RAB5B: variants seen among roughly 807,000 people sequenced by gnomAD.
RAB5B encodes ras-related protein Rab-5B.
In RAB5B, 11 loss-of-function variants were observed where a neutral mutation model predicts 28.6. The ratio of observed to expected loss-of-function variants is 0.38; its 90% CI spans 0.24 to 0.64. The LOEUF is 0.64. RAB5B is among the 30% of genes least tolerant of loss of function. The pLI is 0.53. For missense variants in RAB5B, 169 were observed against 265.6 expected (o/e 0.64, Z 2.53); for synonymous variants, 93 against 97.9 (o/e 0.95, Z 0.29).
intron 1 of RAB5B, among the ~76,000 whole-genome samples, chr12:55,983,723 A>C (rs138268448): frequency 7.6e-5 from 11 of 144,218 alleles, no homozygotes; most frequent in African/African-American, 2.9e-4. Context: ...GCAGTGGTGT[A>C]ATCAGCTCAC....
At chr12:55,990,861 T>G in intron 4 of RAB5B, 57 bp downstream of exon 4, 1 of 1,592,974 alleles carries the variant, frequency 6.3e-7, no homozygotes, top group Non-Finnish European at 8.6e-7. Context: ...GGACCTCTTT[T>G]TTTCCAAACC....
At chr12:55,978,174 G>A (rs77000864) in intron 1 of RAB5B, among the ~76,000 whole-genome samples, 98 of 152,310 alleles carry the variant, frequency 6.4e-4, no homozygotes, top group Admixed American at 2.0e-3. Context: ...GAGGAGCCAG[G>A]GAGAGAATTG....
rs957654094 is a variant in RAB5B at position 55,980,420 on chromosome 12, C to T, written c.-93+6281C>T. 1.0e-5 allele frequency: 16 copies of T among 1,572,690 alleles called. No homozygotes were observed. The South Asian group carries it at 1.2e-4, about 12-fold the overall frequency. On this transcript the variant is annotated intron_variant, in intron 1 of 5. Transcript: ENST00000360299. ...CCGGGGTGGGGAGGCAAGAAAGGGT[C>T]CTCAGCTCAGGGAGCACTTGTTGGT...
At chr12:55,976,368 A>T (rs1017511305) in intron 1 of RAB5B, among the ~76,000 whole-genome samples, 3 of 152,126 alleles carry the variant, frequency 2.0e-5, no homozygotes, top group African/African-American at 7.2e-5. Flanking sequence ...CGACAAGCAG[A>T]GGGCTGTACT....
intron 1 of RAB5B, among the ~76,000 whole-genome samples, chr12:55,976,414 C>T (rs1462882390): frequency 6.6e-6 from 1 of 152,194 alleles, no homozygotes; most frequent in East Asian, 1.9e-4. Flanking sequence ...CAAACACACA[C>T]ACCCCAAGTT....
intron 1 of RAB5B, among the ~76,000 whole-genome samples, chr12:55,975,019 C>T (rs1889606515): frequency 6.6e-6 from 1 of 152,118 alleles, no homozygotes; most frequent in Non-Finnish European, 1.5e-5. Context: ...TGTTTCTTAA[C>T]TTACTGTTTC....
intron 2 of RAB5B, among the ~76,000 whole-genome samples, chr12:55,989,676 A>AT (rs1890051587): frequency 6.6e-6 from 1 of 152,216 alleles, no homozygotes; most frequent in African/African-American, 2.4e-5. Flanking sequence ...GATGACTCGT[A>AT]TAAGTGCCAG....
At chr12:55,984,294 G>A (rs184834934) in intron 1 of RAB5B, among the ~76,000 whole-genome samples, 2 of 151,670 alleles carry the variant, frequency 1.3e-5, no homozygotes, top group East Asian at 3.9e-4. Context: ...AGTTCAAGCA[G>A]TTCACCTGCC....
At position 55,990,695 on chromosome 12, in the gene RAB5B, G is replaced by T; in HGVS notation, c.329G>T (p.Arg110Leu). 6.2e-7 allele frequency: 1 copy of T among 1,613,772 alleles called. No individual in the cohort carries two copies. The highest frequency in any genetic ancestry group is 1.1e-5 in the South Asian group (1 of 91,052). ...YDITNQETFA[R>L]AKTWVKELQR... Reference sequence around the variant, plus strand: ...ATGTTTTCCTAGGAAACCTTTGCCCGAGCAAAGACATGGGTGAAGGAACTA... The same window carrying T: ...ATGTTTTCCTAGGAAACCTTTGCCCTAGCAAAGACATGGGTGAAGGAACTA... Residue 110 changes from arginine (R) to leucine (L), a missense_variant, in exon 4 of 6, where the codon CGA (arginine) becomes CTA (leucine). Physicochemically the swap from Arg to Leu is moderately radical, Grantham distance 102 (BLOSUM62 -2). This residue lies in a region of RAB5B where 123 missense variants were observed against 162.4 expected (regional missense o/e 0.76). Transcript: ENST00000360299.
chr12:55,987,161 T>G, intron 2 of RAB5B, 38 bp downstream of exon 2: 2 of 1,549,864 alleles, frequency 1.3e-6, no homozygotes, highest in Non-Finnish European at 8.7e-7. Flanking sequence ...GAATGTTTGG[T>G]AAGGGTTTTT....
intron 2 of RAB5B, 68 bp from the exon 3 acceptor site, chr12:55,989,879 G>A (rs879228742): frequency 2.0e-6 from 3 of 1,518,120 alleles, no homozygotes; most frequent in South Asian, 1.1e-5. Context: ...ACATTTTGAA[G>A]GGGGGGAGGG....
In RAB5B at chr12:55,996,003, A is replaced by ATATATATATATATTTTTTTTTTTTTTT; in HGVS notation, c.*3792_*3793insATATATATATATTTTTTTTTTTTTTTT. 8.2e-5 allele frequency: 8 copies of ATATATATATATATTTTTTTTTTTTTTT among 97,374 alleles called. No homozygotes were observed. Among genetic ancestry groups the ATATATATATATATTTTTTTTTTTTTTT allele is most frequent in the African/African-American group, 3.8e-4 (8 of 21,118 alleles). The allele number at this position is 97,374 out of a possible 1,614,324, so 6.0% of individuals were successfully genotyped here. A position where few individuals can be genotyped will look rare whatever the true frequency, so the allele number is the denominator to read the frequency against. On this transcript the variant is annotated 3_prime_UTR_variant, in exon 6 of 6. Coordinates refer to ENST00000360299, the MANE Select transcript of RAB5B (RefSeq NM_002868.4). ...TATATACATATATATATATATATATATTTTTTTTTTAACAACTGGTAGGAT... is the reference window on the plus strand; with the variant it reads ...TATATACATATATATATATATATATATATATATATATATTTTTTTTTTTTTTTTTTTTTTTTTAACAACTGGTAGGAT...
At position 55,996,046 on chromosome 12, in the gene RAB5B, T is replaced by C. The variant is rs1156432497; in HGVS notation, c.*3834T>C. ...GGTAGGATAGGTTGGGCATTAGCCTTCTTCAGTGATTTGATTGTATACAGA... is the reference window on the plus strand; with the variant it reads ...GGTAGGATAGGTTGGGCATTAGCCTCCTTCAGTGATTTGATTGTATACAGA... On this transcript the variant is annotated 3_prime_UTR_variant, in exon 6 of 6. Transcript: ENST00000360299. The C allele has an allele frequency of 6.8e-6, 1 of 147,512 alleles. No individual in the cohort carries two copies. Among genetic ancestry groups the C allele is most frequent in the Non-Finnish European group, 1.5e-5 (1 of 67,258 alleles). 9.1% of individuals were successfully genotyped at this position (147,512 alleles called of 1,614,324 possible). A position where few individuals can be genotyped will look rare whatever the true frequency, so the allele number is the denominator to read the frequency against.
chr12:55,991,559 T>G, intron 5 of RAB5B, 106 bp downstream of exon 5: 1 of 875,614 alleles, frequency 1.1e-6, no homozygotes, highest in East Asian at 2.5e-5. Context: ...TGCAAAAACT[T>G]TAGGTATGGA....
At chr12:55,987,802 C>T (rs548647862) in intron 2 of RAB5B, among the ~76,000 whole-genome samples, 1 of 145,814 alleles carries the variant, frequency 6.9e-6, no homozygotes, top group Admixed American at 6.8e-5. Flanking sequence ...CTGCACTCCA[C>T]CCTGGGCGAC....
At chr12:55,981,071 T>C (rs1889793444) in intron 1 of RAB5B, 1 of 1,571,066 alleles carries the variant, frequency 6.4e-7, no homozygotes, top group African/African-American at 1.3e-5. Context: ...GATGGGGCTA[T>C]TTATTTATTT....
At chr12:55,980,190 T>C (rs1420649754) in intron 1 of RAB5B, among the ~76,000 whole-genome samples, 1 of 152,302 alleles carries the variant, frequency 6.6e-6, no homozygotes, top group African/African-American at 2.4e-5. Flanking sequence ...CCTCCCTCTC[T>C]TCCTACCTCC....
Position 55,990,052 on chromosome 12 carries a change from A to G in RAB5B, c.269A>G (p.Tyr90Cys). The G allele has an allele frequency of 1.2e-6, 2 of 1,614,178 alleles. No homozygotes were observed. The highest frequency in any genetic ancestry group is 1.7e-6 in the Non-Finnish European group (2 of 1,180,004). Residue 90 changes from tyrosine (Y) to cysteine (C), a missense_variant, in exon 3 of 6, where the codon TAC becomes TGC. Physicochemically the swap from Tyr to Cys is radical, Grantham distance 194. Transcript: ENST00000360299. The stretch of plus-strand genomic sequence containing the variant: ...TATCACAGCTTAGCCCCCATGTACT[A>G]CAGGGGTGCCCAAGCTGCAATCGTG... ...ERYHSLAPMY[Y>C]RGAQAAIVVY... is the part of the protein sequence containing the mutation.
intron 5 of RAB5B, 78 bp from the exon 6 acceptor site, chr12:55,992,019 C>G: frequency 3.0e-6 from 3 of 1,014,694 alleles, no homozygotes; most frequent in Non-Finnish European, 4.5e-6. Flanking sequence ...AATTCAGTAG[C>G]CGTTTTTGGC....
Sources: allele counts gnomAD v4.1 joint callset (sites outside exome capture counted in the v4.1 genomes callset), GRCh38; gene constraint gnomAD v4.1.1; regional missense constraint gnomAD v4.1.1; transcripts MANE v1.5; gene names NCBI Gene and HGNC (gene_info 2026-07-23, HGNC 2026-07-21).